The following EIF4G2 variants were observed in gnomAD, a reference collection of about 807,000 sequenced individuals.
EIF4G2 encodes DAP-5.
In EIF4G2, 8 loss-of-function variants were observed where a neutral mutation model predicts 117.7. That is an observed-to-expected ratio of 0.07 (90% confidence interval 0.04 to 0.12). The LOEUF (loss-of-function observed/expected upper bound fraction) is 0.12. Ranked by LOEUF, EIF4G2 falls within the 10% of genes least tolerant of loss-of-function variation. EIF4G2 has a pLI of 1.00. For synonymous variants in EIF4G2, 413 were observed against 367.8 expected, an observed-to-expected ratio of 1.12 and a Z score of -1.41; for missense variants, 812 against 1,086.2, an observed-to-expected ratio of 0.75 and a Z score of 3.55.
At chr11:10,806,086 C>A (rs753935472) in intron 3 of EIF4G2, 39 bp from the exon 4 acceptor site, 1 of 1,611,788 alleles carries the variant, frequency 6.2e-7, no homozygotes, top group African/African-American at 1.3e-5. Context: ...TATTGTCACA[C>A]ACCAAATGTT....
At chr11:10,807,520 A>G in intron 1 of EIF4G2, 139 bp from the exon 2 acceptor site, 1 of 1,309,404 alleles carries the variant, frequency 7.6e-7, no homozygotes, top group Non-Finnish European at 9.7e-7. Context: ...TGTACTCAAA[A>G]CACTGACAAT....
At chr11:10,808,493 C>T (rs146926322) in intron 1 of EIF4G2, 830 of 1,245,424 alleles carry the variant, frequency 6.7e-4, no homozygotes, top group Non-Finnish European at 8.0e-4. Flanking sequence ...GCCTGGCCAA[C>T]ACTGACGTTT....
At position 10,804,357 on chromosome 11, in the gene EIF4G2, C is replaced by A. The variant is rs765577628; in HGVS notation, c.413G>T (p.Arg138Leu). Residue 138 changes from arginine to leucine, a missense_variant, in exon 6 of 22, where the codon CGA (arginine) becomes CTA (leucine). Arg to Leu is a moderately radical substitution (Grantham distance 102, BLOSUM62 -2). Coordinates refer to ENST00000339995, the MANE Select transcript of EIF4G2 (RefSeq NM_001418.4). ...AAAGTTTGGTGCATCTTCTGCCAAT[C>A]GCAGACATAGCTGAGCATACAGTGA... 1 of 1,614,194 alleles carries A rather than the reference C, an allele frequency of 6.2e-7. No homozygotes were observed.
chr11:10,800,970 G>C lies in EIF4G2; in HGVS notation c.1531C>G (p.Leu511Val). Residue 511 changes from leucine (L) to valine (V), a missense_variant, in exon 15 of 22, where the codon CTG (leucine) becomes GTG (valine). Coordinates refer to ENST00000339995, the MANE Select transcript of EIF4G2 (RefSeq NM_001418.4). ...CCTACTATGGTCTGTACCTGTCCCA[G>C]AGGTGGTGTTTGAGTGCGTGGTGGT... 2 of 1,614,168 alleles carry C rather than the reference G, an allele frequency of 1.2e-6. No individual in the cohort carries two copies. Among genetic ancestry groups the C allele is most frequent in the Non-Finnish European group, 1.7e-6 (2 of 1,180,022 alleles).
intron 21 of EIF4G2, chr11:10,798,711 A>G (rs968482827): frequency 1.1e-4 from 26 of 246,696 alleles, no homozygotes; most frequent in Non-Finnish European, 1.9e-4. Flanking sequence ...ATGTTTTTAA[A>G]AAAGCTTAAA....
chr11:10,797,984 A>C lies in EIF4G2; in HGVS notation c.2659-103T>G, dbSNP rs970243731. 2.1e-5 allele frequency: 21 copies of C among 1,007,004 alleles called. No individual in the cohort carries two copies. The highest frequency in any genetic ancestry group is 4.8e-5 in the African/African-American group (3 of 62,280). The allele number at this position is 1,007,004 out of a possible 1,614,324, so 62.4% of individuals were successfully genotyped here. A position where few individuals can be genotyped will look rare whatever the true frequency, so the allele number is the denominator to read the frequency against. On this transcript the variant is annotated intron_variant, in intron 21 of 21. Coordinates refer to ENST00000339995, the MANE Select transcript of EIF4G2 (RefSeq NM_001418.4). The surrounding 1 kb of genome is among the most constrained non-coding windows in gnomAD (Gnocchi z 4.5). ...CACAGTTTTAGAATATGAAACAAGGATATCCCTACCAACAATTTGTATATT... is the reference window on the plus strand; with the variant it reads ...CACAGTTTTAGAATATGAAACAAGGCTATCCCTACCAACAATTTGTATATT...
At chr11:10,805,425 AAT>A (rs1407837948) in intron 4 of EIF4G2, among the ~76,000 whole-genome samples, 1 of 152,008 alleles carries the variant, frequency 6.6e-6, no homozygotes, top group African/African-American at 2.4e-5. Context: ...GAAGCCCCAA[AAT>A]ATGACGTGCT....
At chr11:10,807,194 G>A in intron 2 of EIF4G2, 61 bp downstream of exon 2, 1 of 1,565,724 alleles carries the variant, frequency 6.4e-7, no homozygotes, top group Non-Finnish European at 8.6e-7. Flanking sequence ...TATTTGCTGT[G>A]TTAACTACTT....
chr11:10,808,103 C>T (rs1847643797), intron 1 of EIF4G2: 1 of 1,052,120 alleles, frequency 9.5e-7, no homozygotes, highest in Non-Finnish European at 1.2e-6. Flanking sequence ...AGCAGGAAGG[C>T]GGCCTCCTGC....
At chr11:10,805,546 G>C (rs568815790) in intron 4 of EIF4G2, among the ~76,000 whole-genome samples, 1 of 152,182 alleles carries the variant, frequency 6.6e-6, no homozygotes, top group East Asian at 1.9e-4. Flanking sequence ...CACCTGTGGG[G>C]TATTCAAGTG....
At position 10,807,273 on chromosome 11, in the gene EIF4G2, C is replaced by T; in HGVS notation, c.23G>A (p.Gly8Glu). ...CAAGTACCTGAAACGAGAAGCACCC[C>T]CTTCTGCAATCGCACTCTCCACTTT... Residue 8 changes from glycine (G) to glutamate (E), a missense_variant, in exon 2 of 22, where the codon GGG becomes GAG. By Grantham distance (98) the Gly-to-Glu change is moderately conservative (BLOSUM62 -2). Transcript: ENST00000339995. 6.2e-7 allele frequency: 1 copy of T among 1,612,638 alleles called. No individual in the cohort carries two copies. Among genetic ancestry groups the T allele is most frequent in the Non-Finnish European group, 8.5e-7 (1 of 1,179,634 alleles).
At chr11:10,805,059 G>A in intron 4 of EIF4G2, 44 bp from the exon 5 acceptor site, 1 of 1,455,906 alleles carries the variant, frequency 6.9e-7, no homozygotes, top group Non-Finnish European at 9.6e-7. Flanking sequence ...CTAATACACA[G>A]AATTTGAATT....
intron 3 of EIF4G2, chr11:10,806,589 A>C: frequency 1.9e-6 from 1 of 514,120 alleles, no homozygotes; most frequent in South Asian, 2.8e-5. Context: ...ACATTAGTAA[A>C]AATAACCCAA....
intron 3 of EIF4G2, 194 bp downstream of exon 3, chr11:10,806,624 TGA>T (rs935428618): frequency 5.4e-6 from 3 of 557,228 alleles, no homozygotes; most frequent in Non-Finnish European, 9.5e-6. Context: ...AATAACAGCT[TGA>T]GAGTCTCAAC....
chr11:10,804,314 C>T lies in EIF4G2; in HGVS notation c.456G>A (p.Glu152=). Residue 152 remains glutamate, a synonymous_variant, in exon 6 of 22, where the codon GAG becomes GAA. Transcript: ENST00000339995. ...TGCTTTGCTTCTGTCCTGGTTGACC[C>T]TCTGCTGCTGGGCCATCAAAGTTTG... The T allele has an allele frequency of 1.2e-6, 2 of 1,614,110 alleles. No homozygotes were observed. The highest frequency in any genetic ancestry group is 1.7e-6 in the Non-Finnish European group (2 of 1,180,000).
chr11:10,798,560 A>T (rs769742172), intron 21 of EIF4G2, among the ~76,000 whole-genome samples: 18 of 151,562 alleles, frequency 1.2e-4, no homozygotes, highest in Non-Finnish European at 2.5e-4. Context: ...AATTTTTTGT[A>T]TTTTTTAGAG....
At chr11:10,801,190 CA>C in intron 14 of EIF4G2, 103 bp from the exon 15 acceptor site, 1 of 1,491,812 alleles carries the variant, frequency 6.7e-7, no homozygotes, top group Non-Finnish European at 8.9e-7. Context: ...TCTAGGGAAA[CA>C]TTAAGCTTTT....
Position 10,802,049 on chromosome 11 carries a change from C to G in EIF4G2, c.1299G>C (p.Gln433His), listed in dbSNP as rs754507834. ...ACATGCACACTCAAATATTACTTAC[C>G]TGGCTTTTCATAAACTTGCCTCCCA... Residue 433 changes from glutamine (Q) to histidine (H), a missense_variant and splice_region_variant, in exon 13 of 22, where the codon CAG becomes CAC. Transcript: ENST00000339995. 3.9e-6 allele frequency: 1 copy of G among 253,660 alleles called. No homozygotes were observed. The highest frequency in any genetic ancestry group is 5.3e-6 in the Non-Finnish European group (1 of 187,666). 15.7% of individuals were successfully genotyped at this position (253,660 alleles called of 1,614,324 possible).
intron 13 of EIF4G2, 106 bp downstream of exon 13, chr11:10,801,943 G>T: frequency 4.1e-6 from 2 of 483,360 alleles, no homozygotes; most frequent in Non-Finnish European, 5.0e-6. Flanking sequence ...CAAATAAAGT[G>T]ATGTGATTTT....
Sources: allele counts gnomAD v4.1 joint callset (sites outside exome capture counted in the v4.1 genomes callset), GRCh38; gene constraint gnomAD v4.1.1; non-coding constraint Gnocchi (gnomAD v3.1); transcripts MANE v1.5; gene names NCBI Gene and HGNC (gene_info 2026-07-23, HGNC 2026-07-21).